The following RBFOX1 variants were observed in gnomAD, a reference collection of about 807,000 sequenced individuals.
RBFOX1 encodes the protein RNA binding fox-1 homolog 1, also known as RNA binding protein fox-1 homolog 1.
A neutral mutation model predicts 57.7 loss-of-function variants in RBFOX1; 8 were observed. That is an observed-to-expected ratio of 0.14 (90% CI 0.08 to 0.25). RBFOX1 has a LOEUF of 0.25. RBFOX1 is among the 10% of genes least tolerant of loss of function. The pLI is 1.00. For missense variants in RBFOX1, 611 were observed against 548.5 expected (o/e 1.11, Z -1.14); for synonymous variants, 326 against 222.4 (o/e 1.47, Z -4.15).
intron 4 of RBFOX1, among the ~76,000 whole-genome samples, chr16:7,095,069 G>A (rs969201526): frequency 6.6e-6 from 1 of 151,978 alleles, no homozygotes; most frequent in Non-Finnish European, 1.5e-5. Context: ...TTTTGTTGAT[G>A]ATATTAGTAA....
intron 4 of RBFOX1, among the ~76,000 whole-genome samples, chr16:7,117,372 A>C (rs1434908285): frequency 1.3e-5 from 2 of 152,172 alleles, no homozygotes; most frequent in African/African-American, 4.8e-5. Flanking sequence ...TTTTCTGTAA[A>C]GTATGTGGAT....
chr16:7,318,963 G>A (rs1236106232), intron 4 of RBFOX1, among the ~76,000 whole-genome samples: 2 of 152,170 alleles, frequency 1.3e-5, no homozygotes, highest in African/African-American at 4.8e-5. Context: ...CAAATGTTAG[G>A]TCCCAGTGGG....
intron 3 of RBFOX1, among the ~76,000 whole-genome samples, chr16:5,713,216 T>C (rs1391049277): frequency 6.6e-6 from 1 of 152,230 alleles, no homozygotes. Context: ...CTAATTTCTT[T>C]TGTTACTCGA....
intron 1 of RBFOX1, among the ~76,000 whole-genome samples, chr16:6,107,661 C>T (rs1027717091): frequency 7.4e-6 from 1 of 134,510 alleles, no homozygotes; most frequent in African/African-American, 2.7e-5. Flanking sequence ...GAAAGGATGA[C>T]TAGATGCATG....
At chr16:5,255,354 C>CTCCATCCATCCATCCATCCA (rs750177791) in intron 1 of RBFOX1, among the ~76,000 whole-genome samples, 11,196 of 85,900 alleles carry the variant, frequency 0.13, 618 homozygotes, top group Middle Eastern at 0.25. Flanking sequence ...CCATCCATCC[C>CTCCATCCATCCATCCATCCA]TCCATCCATC....
intron 3 of RBFOX1, among the ~76,000 whole-genome samples, chr16:5,669,314 A>AG: frequency 6.6e-6 from 1 of 151,418 alleles, no homozygotes; most frequent in Non-Finnish European, 1.5e-5. Context: ...CAGCAGCAGG[A>AG]GGGAGCCAAG....
intron 13 of RBFOX1, chr16:7,671,665 T>TAACA: frequency 4.3e-6 from 6 of 1,405,534 alleles, no homozygotes; most frequent in Admixed American, 3.4e-5. Context: ...AAATCCTTAC[T>TAACA]AACAAGATAA....
chr16:6,275,546 T>C (rs1363228384), intron 1 of RBFOX1, among the ~76,000 whole-genome samples: 1 of 152,162 alleles, frequency 6.6e-6, no homozygotes, highest in Non-Finnish European at 1.5e-5. Flanking sequence ...AAATGGTATG[T>C]TGTTGTGTTT....
chr16:7,284,087 C>T (rs889842731), intron 4 of RBFOX1, among the ~76,000 whole-genome samples: 1 of 152,192 alleles, frequency 6.6e-6, no homozygotes, highest in African/African-American at 2.4e-5. Flanking sequence ...TGAGATTCAT[C>T]CAGGTAGTTG....
chr16:6,400,244 T>C (rs1041449924), intron 2 of RBFOX1, among the ~76,000 whole-genome samples: 4 of 152,216 alleles, frequency 2.6e-5, no homozygotes, highest in Non-Finnish European at 5.9e-5. Flanking sequence ...GAAATATTGT[T>C]AACTATGTTT....
At chr16:7,027,800 A>T (rs1454000727) in intron 3 of RBFOX1, among the ~76,000 whole-genome samples, 1 of 152,060 alleles carries the variant, frequency 6.6e-6, no homozygotes, top group African/African-American at 2.4e-5. Flanking sequence ...CAAGAAAAGG[A>T]AGAAATAAAT....
chr16:6,825,913 T>C (rs2092066904), intron 3 of RBFOX1, among the ~76,000 whole-genome samples: 1 of 152,160 alleles, frequency 6.6e-6, no homozygotes, highest in African/African-American at 2.4e-5. Flanking sequence ...ATCGTGTGAC[T>C]TTAAATTCAA....
intron 4 of RBFOX1, among the ~76,000 whole-genome samples, chr16:7,225,813 T>C (rs1459800516): frequency 6.9e-6 from 1 of 144,774 alleles, no homozygotes. Flanking sequence ...AAATGACGAG[T>C]TAATGGGTGC....
rs191147652 is a variant in RBFOX1, at chr16:6,524,455, A to G, written c.-63-130148A>G. ...GCAGCAGTGTTTACCGTAGTTCTACAAACTCACTTTCGAAGCGTGTTTGTC... is the reference window on the plus strand; with the variant it reads ...GCAGCAGTGTTTACCGTAGTTCTACGAACTCACTTTCGAAGCGTGTTTGTC... On this transcript the variant is annotated intron_variant, in intron 2 of 15. Coordinates refer to ENST00000550418, the MANE Select transcript of RBFOX1 (RefSeq NM_018723.4). Among the ~76,000 whole-genome samples the G allele has an allele frequency of 7.5e-3, 1,135 of 152,346 alleles. 7 individuals carry two copies. Among genetic ancestry groups the G allele is most frequent in the Non-Finnish European group, 9.6e-3 (651 of 68,042 alleles).
At chr16:5,452,360 C>T (rs557505676) in intron 1 of RBFOX1, among the ~76,000 whole-genome samples, 3 of 151,976 alleles carry the variant, frequency 2.0e-5, no homozygotes, top group South Asian at 2.1e-4. Context: ...CCACCCGCCT[C>T]GACCTCCCAA....
chr16:7,277,122 GCTGTT>G (rs1409415441), intron 4 of RBFOX1, among the ~76,000 whole-genome samples: 1 of 152,160 alleles, frequency 6.6e-6, no homozygotes, highest in Non-Finnish European at 1.5e-5. Context: ...TGACTATACT[GCTGTT>G]CTGTTCTCAG....
At chr16:6,859,152 T>TATATATATACGTATATATAC (rs1491258507) in intron 3 of RBFOX1, among the ~76,000 whole-genome samples, 1 of 77,142 alleles carries the variant, frequency 1.3e-5, no homozygotes, top group African/African-American at 6.6e-5. Context: ...TATATATATA[T>TATATATATACGTATATATAC]GTATATATAT....
At chr16:5,964,599 C>A (rs1036999403) in intron 4 of RBFOX1, among the ~76,000 whole-genome samples, 2 of 151,456 alleles carry the variant, frequency 1.3e-5, no homozygotes, top group African/African-American at 4.8e-5. Flanking sequence ...GCATCTATAT[C>A]TATGTATATA....
intron 4 of RBFOX1, among the ~76,000 whole-genome samples, chr16:7,102,135 T>C (rs923297221): frequency 3.3e-5 from 5 of 152,202 alleles, no homozygotes; most frequent in Admixed American, 2.6e-4. Flanking sequence ...CCTACTTCTC[T>C]GTTAGAAAAG....
Sources: allele counts gnomAD v4.1 joint callset (sites outside exome capture counted in the v4.1 genomes callset), GRCh38; gene constraint gnomAD v4.1.1; transcripts MANE v1.5; gene names NCBI Gene and HGNC (gene_info 2026-07-23, HGNC 2026-07-21).